Variants in DPEP3 observed in about 807,000 individuals in gnomAD.
DPEP3 encodes the protein membrane-bound dipeptidase 3.
A neutral mutation model predicts 47.5 loss-of-function variants in DPEP3; 42 were observed. The observed-to-expected ratio is 0.88, with a 90% CI of 0.69 to 1.14. The LOEUF is 1.14. Among genes scored for constraint, DPEP3 ranks in the 50% most tolerant of loss-of-function variants. The pLI, the probability that DPEP3 is intolerant of heterozygous loss-of-function variation, is 0.00. For missense variants in DPEP3, 560 were observed against 635.0 expected (o/e 0.88, Z 1.27); for synonymous variants, 276 against 270.2 (o/e 1.02, Z -0.21).
chr16:67,976,884 C>A (rs765067007), intron 7 of DPEP3, 109 bp from the exon 8 acceptor site: 67 of 914,202 alleles, frequency 7.3e-5, no homozygotes, highest in Non-Finnish European at 1.1e-4. Context: ...TAGCTCATGG[C>A]CAGTCATGAG....
At chr16:67,979,877 T>C (rs1217526003) in intron 1 of DPEP3, 112 bp from the exon 2 acceptor site, 1 of 1,486,736 alleles carries the variant, frequency 6.7e-7, no homozygotes, top group Non-Finnish European at 9.0e-7. Context: ...ACAGACCATA[T>C]AGAGACCTCC....
chr16:67,980,043 C>T (rs1722428686), intron 1 of DPEP3, 51 bp downstream of exon 1: 1 of 1,553,078 alleles, frequency 6.4e-7, no homozygotes, highest in African/African-American at 1.4e-5. Context: ...ACCTCCTCTC[C>T]TGCCCAAGGG....
rs750954271 is a variant in DPEP3, at chr16:67,978,623, A to G, written c.418T>C (p.Trp140Arg). ...GACTGGCATGAGACGGAGGCTGACC[A>G]GAACTGAGGGTAGGTCAAGGGGTCC... ...LRDGLVGAQF[W>R]SASVSCQSQD... The change falls in exon 3 of 10, where the codon TGG becomes CGG. Residue 140 changes from tryptophan to arginine, a missense_variant. Physicochemically the swap from Trp to Arg is moderately radical, Grantham distance 101. Coordinates refer to ENST00000268793, the MANE Select transcript of DPEP3 (RefSeq NM_001370198.1). The surrounding 1 kb of genome is among the most constrained non-coding windows in gnomAD (Gnocchi z 4.4). The G allele has an allele frequency of 1.9e-6, 3 of 1,613,670 alleles. No homozygotes were observed. In the African/African-American group the frequency reaches 4.0e-5, roughly 22 times the overall value.
chr16:67,978,188 G>T lies in DPEP3; in HGVS notation c.686+79C>A. The T allele has an allele frequency of 1.2e-6, 2 of 1,606,226 alleles. No homozygotes were observed. Among genetic ancestry groups the T allele is most frequent in the Non-Finnish European group, 1.7e-6 (2 of 1,174,790 alleles). ...CTCTGCGGACCCCTTCATCCTCAAC[G>T]GCTTGGTCACACCCATGCCAGGAAT... On this transcript the variant is annotated intron_variant, in intron 4 of 9. Transcript: ENST00000268793. The surrounding 1 kb of genome is among the most constrained non-coding windows in gnomAD (Gnocchi z 4.4).
In DPEP3 at chr16:67,979,700, CG is replaced by C; in HGVS notation, c.352del (p.Arg118GlufsTer60). 1.2e-6 allele frequency: 2 copies of C among 1,614,116 alleles called. No individual in the cohort carries two copies. Among genetic ancestry groups the C allele is most frequent in the African/African-American group, 2.7e-5 (2 of 75,042 alleles). On this transcript the variant is annotated frameshift_variant, in exon 2 of 10. Coordinates refer to ENST00000268793, the MANE Select transcript of DPEP3 (RefSeq NM_001370198.1). LOFTEE classifies it high-confidence loss of function. ...GCTGGTCTGACCATGGCTGAAATTT[CG>C]CAGGTTAACATCCTGAAGCACATTC... Reference protein sequence around the residue: ...YKNVLQDVNLRNFSHGQTSLD... With the variant: ...YKNVLQDVNLXNFSHGQTSLD...
Position 67,975,739 on chromosome 16 carries a change from A to G in DPEP3, c.*26T>C. The G allele has an allele frequency of 1.3e-6, 2 of 1,591,602 alleles. No homozygotes were observed. Among genetic ancestry groups the G allele is most frequent in the South Asian group, 1.1e-5 (1 of 88,532 alleles). On this transcript the variant is annotated 3_prime_UTR_variant, in exon 10 of 10. Transcript: ENST00000268793. ...AGGGGGCTTTGTGAGGCTTTGCCACAGTGACCTCTGCGGGGACCGACTGTG... is the reference window on the plus strand; with the variant it reads ...AGGGGGCTTTGTGAGGCTTTGCCACGGTGACCTCTGCGGGGACCGACTGTG...
chr16:67,976,442 G>A (rs1385590345), intron 8 of DPEP3, among the ~76,000 whole-genome samples: 4 of 152,206 alleles, frequency 2.6e-5, no homozygotes, highest in African/African-American at 9.6e-5. Flanking sequence ...GGCTGGGAGT[G>A]GAGCATATCT....
rs1286841587 is a variant in DPEP3, at chr16:67,975,828, T to G, written c.1404A>C (p.Pro468=). 2.5e-6 allele frequency: 4 copies of G among 1,613,800 alleles called. No individual in the cohort carries two copies. Among genetic ancestry groups the G allele is most frequent in the Non-Finnish European group, 2.5e-6 (3 of 1,179,866 alleles). Residue 468 remains proline (P), a synonymous_variant, in exon 10 of 10, where the codon CCA becomes CCC. Coordinates refer to ENST00000268793, the MANE Select transcript of DPEP3 (RefSeq NM_001370198.1). ...RVPWRSSNAS[P]YLVPGLVAAA... is the part of the protein sequence containing the mutation. ...CAGCCACAAGGCCTGGAACAAGGTA[T>G]GGGGAGGCATTTGAGGACCTCCAGG...
Position 67,976,079 on chromosome 16 carries a change from C to G in DPEP3, c.1230+14G>C, listed in dbSNP as rs773824254. Reference sequence around the variant, plus strand: ...TCAAACCACTGAACCATCCTGTCCACCAGCCCAGCTTACCTTTTCCACTTG... The same window carrying G: ...TCAAACCACTGAACCATCCTGTCCAGCAGCCCAGCTTACCTTTTCCACTTG... On this transcript the variant is annotated intron_variant, in intron 9 of 9. Coordinates refer to ENST00000268793, the MANE Select transcript of DPEP3 (RefSeq NM_001370198.1). 6.2e-7 allele frequency: 1 copy of G among 1,614,058 alleles called. No homozygotes were observed. Among genetic ancestry groups the G allele is most frequent in the Non-Finnish European group, 8.5e-7 (1 of 1,179,998 alleles).
chr16:67,979,515 C>A, intron 2 of DPEP3, 124 bp downstream of exon 2: 1 of 1,437,250 alleles, frequency 7.0e-7, no homozygotes, highest in Non-Finnish European at 9.3e-7. Context: ...TCCTTAGAAA[C>A]CACATGATGG....
rs1239039354 is a variant in DPEP3 at position 67,975,783 on chromosome 16, G to A, written c.1449C>T (p.Phe483=). ...GLVAAATIPT[F]TQWLC The stretch of plus-strand genomic sequence containing the variant: ...GACTGTGTCAGCAGAGCCACTGGGT[G>A]AAGGTTGGGATGGTGGCAGCAGCCA... The change falls in exon 10 of 10, where the codon TTC becomes TTT. Residue 483 remains phenylalanine, a synonymous_variant. Coordinates refer to ENST00000268793, the MANE Select transcript of DPEP3 (RefSeq NM_001370198.1). The A allele has an allele frequency of 6.2e-7, 1 of 1,613,234 alleles. No homozygotes were observed. The highest frequency in any genetic ancestry group is 1.3e-5 in the African/African-American group (1 of 75,082).
chr16:67,980,207 C>G lies in DPEP3; in HGVS notation c.174G>C (p.Pro58=), dbSNP rs373192732. Residue 58 remains proline (P), a synonymous_variant, in exon 1 of 10, where the codon CCG becomes CCC. Transcript: ENST00000268793. ...TLGSPSLFTT[P]GVPSALTTPG... ...GGGTAGTGAGGGCGCTGGGGACACC[C>G]GGCGTGGTGAAGAGGCTGGGGGAGC... 6.2e-7 allele frequency: 1 copy of G among 1,609,948 alleles called. No homozygotes were observed. The highest frequency in any genetic ancestry group is 8.5e-7 in the Non-Finnish European group (1 of 1,178,126).
intron 1 of DPEP3, 21 bp from the exon 2 acceptor site, chr16:67,979,786 T>G (rs1164696298): frequency 6.2e-7 from 1 of 1,613,106 alleles, no homozygotes; most frequent in East Asian, 2.2e-5. Flanking sequence ...GAAGGTCAGA[T>G]GGAAACACCG....
chr16:67,977,889 C>T (rs2031234446), intron 5 of DPEP3, 49 bp downstream of exon 5: 1 of 1,613,772 alleles, frequency 6.2e-7, no homozygotes. Flanking sequence ...GGTGTACACA[C>T]ATATCCGTAG....
chr16:67,976,645 C>A, intron 8 of DPEP3, 55 bp downstream of exon 8: 2 of 1,554,306 alleles, frequency 1.3e-6, no homozygotes, highest in Non-Finnish European at 8.8e-7. Flanking sequence ...GGAATGAAGA[C>A]TAAAGGACTC....
At chr16:67,979,988 G>T in intron 1 of DPEP3, 106 bp downstream of exon 1, 6 of 1,441,128 alleles carry the variant, frequency 4.2e-6, no homozygotes, top group Non-Finnish European at 4.7e-6. Flanking sequence ...TCCAGGGGTG[G>T]TGTGAGGGAG....
In DPEP3 at chr16:67,975,970, AC is replaced by A; in HGVS notation, c.1261del (p.Val421TrpfsTer10). On this transcript the variant is annotated frameshift_variant, in exon 10 of 10. Transcript: ENST00000268793. LOFTEE classifies it high-confidence loss of function. ...TTGCCCATATGGAAACTCAGCCTCC[AC>A]GGGGCTCTGCGCCCTGCTCTCCTCT... is the stretch of plus-strand genomic sequence containing the variant. ...VREESRAQSP[V>X]EAEFPYGQLS... 1.2e-6 allele frequency: 2 copies of A among 1,614,026 alleles called. No homozygotes were observed. The highest frequency in any genetic ancestry group is 1.3e-5 in the African/African-American group (1 of 75,070).
chr16:67,980,291 C>T lies in DPEP3; in HGVS notation c.90G>A (p.Arg30=), dbSNP rs1436296469. 1.3e-6 allele frequency: 2 copies of T among 1,576,008 alleles called. No homozygotes were observed. The highest frequency in any genetic ancestry group is 1.7e-6 in the Non-Finnish European group (2 of 1,162,696). The change falls in exon 1 of 10, where the codon CGG becomes CGA. Residue 30 remains arginine, a synonymous_variant. Transcript: ENST00000268793. ...LLLLLLLLLL[R]QPVTRAETTP... ...TGGTCTCCGCGCGGGTTACGGGCTG[C>T]CGCAGCAGCAGCAGCAGTAGCAGGA... is the stretch of plus-strand genomic sequence containing the variant.
At position 67,978,347 on chromosome 16, in the gene DPEP3, G is replaced by A. The variant is rs553819810; in HGVS notation, c.606C>T (p.Asp202=). The change falls in exon 4 of 10, where the codon GAC becomes GAT. Residue 202 remains aspartate, a synonymous_variant. Transcript: ENST00000268793. The surrounding 1 kb of genome is among the most constrained non-coding windows in gnomAD (Gnocchi z 4.4). ...AACTGCGCAGCACAGAGAGGCTGCTGTCCAGTGAGTGACCACCCTCCACGC... is the reference window on the plus strand; with the variant it reads ...AACTGCGCAGCACAGAGAGGCTGCTATCCAGTGAGTGACCACCCTCCACGC... ...LIGVEGGHSL[D]SSLSVLRSFY... is the part of the protein sequence containing the mutation. The A allele has an allele frequency of 1.2e-6, 2 of 1,614,102 alleles. No homozygotes were observed. The highest frequency in any genetic ancestry group is 2.2e-5 in the East Asian group (1 of 44,890).
Sources: allele counts gnomAD v4.1 joint callset (sites outside exome capture counted in the v4.1 genomes callset), GRCh38; gene constraint gnomAD v4.1.1; non-coding constraint Gnocchi (gnomAD v3.1); transcripts MANE v1.5; gene names NCBI Gene and HGNC (gene_info 2026-07-23, HGNC 2026-07-21).